Variants in RPRD1A observed in about 807,000 individuals in gnomAD.
The protein encoded by RPRD1A is regulation of nuclear pre-mRNA domain containing 1A.
RPRD1A carries 9 observed loss-of-function variants against 37.8 expected under a neutral mutation model. The ratio of observed to expected loss-of-function variants is 0.24; its 90% CI spans 0.14 to 0.42. The LOEUF (loss-of-function observed/expected upper bound fraction) is 0.42, where lower values mean the gene tolerates loss of function less well. RPRD1A is among the 10% of genes least tolerant of loss of function. RPRD1A has a pLI of 1.00. For synonymous variants in RPRD1A, 138 were observed against 139.7 expected (o/e 0.99, Z 0.08); for missense variants, 255 against 371.0 (o/e 0.69, Z 2.57).
At chr18:36,035,941 G>A (rs933627688) in intron 1 of RPRD1A, among the ~76,000 whole-genome samples, 4 of 152,082 alleles carry the variant, frequency 2.6e-5, no homozygotes, top group African/African-American at 7.2e-5. Flanking sequence ...GGAATGGGAG[G>A]AGAATAGGAA....
At chr18:36,002,161 T>C (rs1002442210) in intron 6 of RPRD1A, among the ~76,000 whole-genome samples, 9 of 152,216 alleles carry the variant, frequency 5.9e-5, no homozygotes, top group African/African-American at 2.2e-4. Flanking sequence ...TGTCACTAAT[T>C]TTTAAAATTC....
intron 2 of RPRD1A, among the ~76,000 whole-genome samples, chr18:36,033,298 T>TC (rs1330011131): frequency 0.04 from 794 of 19,646 alleles, 31 homozygotes; most frequent in African/African-American, 0.15. Context: ...AGACTCTGTC[T>TC]CAAAAAAAAA....
intron 6 of RPRD1A, among the ~76,000 whole-genome samples, chr18:36,001,222 CTAA>C (rs1315588344): frequency 1.3e-5 from 2 of 152,130 alleles, no homozygotes; most frequent in Non-Finnish European, 2.9e-5. Context: ...GCTGAACCTC[CTAA>C]TAATGATGTT....
At chr18:36,013,238 C>T (rs545004264) in intron 6 of RPRD1A, among the ~76,000 whole-genome samples, 1 of 152,194 alleles carries the variant, frequency 6.6e-6, no homozygotes, top group Admixed American at 6.5e-5. Flanking sequence ...ACAAAAAAAT[C>T]TAAGTTCCCA....
At chr18:36,031,580 A>G (rs1911794680) in intron 2 of RPRD1A, among the ~76,000 whole-genome samples, 1 of 152,214 alleles carries the variant, frequency 6.6e-6, no homozygotes, top group Admixed American at 6.5e-5. Context: ...TATCCGGAAG[A>G]GTATTTAAGG....
chr18:36,060,931 G>A (rs2088895960), intron 1 of RPRD1A, among the ~76,000 whole-genome samples: 1 of 151,806 alleles, frequency 6.6e-6, no homozygotes, highest in Non-Finnish European at 1.5e-5. Flanking sequence ...GAGTTCAAGA[G>A]CAGCCTCGGC....
intron 6 of RPRD1A, among the ~76,000 whole-genome samples, chr18:36,000,646 C>T (rs1909359037): frequency 6.6e-6 from 1 of 152,202 alleles, no homozygotes; most frequent in Non-Finnish European, 1.5e-5. Context: ...CAAATAGCTA[C>T]TACACTTCTC....
intron 1 of RPRD1A, among the ~76,000 whole-genome samples, chr18:36,059,233 G>C (rs1305359035): frequency 6.6e-6 from 1 of 152,112 alleles, no homozygotes; most frequent in Non-Finnish European, 1.5e-5. Context: ...CGCTTCCCGG[G>C]TTCAAGTGAT....
At chr18:36,052,959 A>G (rs1162397343) in intron 1 of RPRD1A, 1 of 152,166 alleles carries the variant, frequency 6.6e-6, no homozygotes, top group Non-Finnish European at 1.5e-5. Flanking sequence ...TTTAAATTAA[A>G]AAAAAAGTTT....
intron 1 of RPRD1A, among the ~76,000 whole-genome samples, chr18:36,037,116 C>T (rs1912244563): frequency 6.6e-6 from 1 of 151,752 alleles, no homozygotes; most frequent in African/African-American, 2.4e-5. Context: ...TAAAATGTTA[C>T]TTTTTTTTTC....
intron 6 of RPRD1A, among the ~76,000 whole-genome samples, chr18:36,019,254 CCCA>C (rs1910824141): frequency 6.6e-6 from 1 of 151,964 alleles, no homozygotes; most frequent in Non-Finnish European, 1.5e-5. Flanking sequence ...ACTACAGGAG[CCCA>C]CCACCACGCC....
intron 1 of RPRD1A, among the ~76,000 whole-genome samples, chr18:36,059,165 T>C (rs1913998991): frequency 6.6e-6 from 1 of 152,202 alleles, no homozygotes; most frequent in Non-Finnish European, 1.5e-5. Context: ...AAATCTTTTT[T>C]TTTTTGAGAT....
intron 6 of RPRD1A, chr18:36,025,718 A>G: frequency 8.7e-7 from 1 of 1,143,752 alleles, no homozygotes; most frequent in Non-Finnish European, 1.1e-6. Flanking sequence ...AAACCATACT[A>G]AAAGACTAAA....
intron 1 of RPRD1A, among the ~76,000 whole-genome samples, chr18:36,050,780 A>G (rs1913324625): frequency 6.6e-6 from 1 of 151,868 alleles, no homozygotes; most frequent in Non-Finnish European, 1.5e-5. Flanking sequence ...CCTGGGCTCA[A>G]GCAATCCAAC....
chr18:36,054,166 C>G (rs1399459505), intron 1 of RPRD1A, among the ~76,000 whole-genome samples: 1 of 149,358 alleles, frequency 6.7e-6, no homozygotes, highest in African/African-American at 2.5e-5. Flanking sequence ...AAATTATACA[C>G]CCACACTAAT....
rs71381561 is a variant in RPRD1A at position 36,008,589 on chromosome 18, A to ATATATATATATATCTC, written c.790-15290_790-15289insGAGATATATATATATA. On this transcript the variant is annotated intron_variant, in intron 6 of 6. Transcript: ENST00000399022. ...AGACCTTGTGTGTGTATATATATAT[A>ATATATATATATATCTC]TCTTTAAAAATCTCTCTAGGAAAAA... is the stretch of plus-strand genomic sequence containing the variant. 1.3e-4 allele frequency among the ~76,000 whole-genome samples: 12 copies of ATATATATATATATCTC among 90,824 alleles called. 1 individual carries two copies. The highest frequency in any genetic ancestry group is 2.2e-4 in the Non-Finnish European group (10 of 44,852). The allele number at this position is 90,824 out of a possible 152,430, so 59.6% of individuals were successfully genotyped here. A position where few individuals can be genotyped will look rare whatever the true frequency, so the allele number is the denominator to read the frequency against.
intron 6 of RPRD1A, among the ~76,000 whole-genome samples, chr18:36,005,853 TTTC>T (rs1335645082): frequency 6.6e-6 from 1 of 152,214 alleles, no homozygotes; most frequent in Non-Finnish European, 1.5e-5. Flanking sequence ...CCTGTGTTTT[TTTC>T]TTTTTTTTAC....
intron 1 of RPRD1A, chr18:36,053,069 A>G (rs978105600): frequency 3.3e-5 from 5 of 152,198 alleles, no homozygotes; most frequent in African/African-American, 1.2e-4. Flanking sequence ...AGGAGTTGTC[A>G]TGAGAGTCTG....
chr18:36,056,099 A>G (rs866513260), intron 1 of RPRD1A, among the ~76,000 whole-genome samples: 3 of 152,168 alleles, frequency 2.0e-5, no homozygotes, highest in African/African-American at 4.8e-5. Context: ...CTGACATCCT[A>G]AACTTTCATC....
Sources: gnomAD v4.1 joint callset for allele counts (sites outside exome capture counted in the v4.1 genomes callset) on GRCh38, gnomAD v4.1.1 for gene constraint, MANE v1.5 for transcripts, NCBI Gene and HGNC (gene_info 2026-07-23, HGNC 2026-07-21) for gene names.